CCDC102B: variants seen among roughly 807,000 people sequenced by gnomAD.
The protein encoded by CCDC102B is coiled-coil domain-containing protein 102B.
CCDC102B carries 75 observed loss-of-function variants against 57.4 expected under a neutral mutation model. The observed-to-expected ratio is 1.31, with a 90% CI of 1.08 to 1.58. The LOEUF (loss-of-function observed/expected upper bound fraction) is 1.58. Among genes scored for constraint, CCDC102B ranks in the 40% most tolerant of loss-of-function variants. The pLI, the probability that CCDC102B is intolerant of heterozygous loss-of-function variation, is 0.00. For missense variants in CCDC102B, 636 were observed against 582.6 expected (o/e 1.09, Z -0.94); for synonymous variants, 206 against 201.9 (o/e 1.02, Z -0.17).
At chr18:68,803,767 A>ACCCCAAC (rs1480437717) in intron 1 of CCDC102B, among the ~76,000 whole-genome samples, 4,697 of 152,250 alleles carry the variant, frequency 0.031, 225 homozygotes, top group African/African-American at 0.11. Flanking sequence ...CCAACCTAAT[A>ACCCCAAC]TTATTTTACT....
intron 5 of CCDC102B, among the ~76,000 whole-genome samples, chr18:68,895,782 T>A (rs2040221765): frequency 6.6e-6 from 1 of 151,848 alleles, no homozygotes; most frequent in African/African-American, 2.4e-5. Flanking sequence ...AATAAATTTC[T>A]TGTCCAGAAT....
chr18:69,046,772 A>C (rs578125744), intron 7 of CCDC102B, among the ~76,000 whole-genome samples: 44 of 152,212 alleles, frequency 2.9e-4, no homozygotes, highest in Non-Finnish European at 5.1e-4. Context: ...TGATTTTTGT[A>C]TATGGTATAA....
intron 2 of CCDC102B, among the ~76,000 whole-genome samples, chr18:68,788,177 C>T (rs1466781199): frequency 1.3e-5 from 2 of 152,144 alleles, no homozygotes; most frequent in East Asian, 3.9e-4. Context: ...AGTTTGATTG[C>T]ACTGTGGTCT....
chr18:68,792,516 A>G (rs1480990323), intron 2 of CCDC102B, among the ~76,000 whole-genome samples: 1 of 152,250 alleles, frequency 6.6e-6, no homozygotes, highest in Admixed American at 6.5e-5. Flanking sequence ...AGTTAGGTCA[A>G]CATAACTACT....
intron 2 of CCDC102B, among the ~76,000 whole-genome samples, chr18:68,782,616 C>T (rs1223368665): frequency 6.6e-6 from 1 of 152,120 alleles, no homozygotes; most frequent in Non-Finnish European, 1.5e-5. Flanking sequence ...CATTACCCTC[C>T]TACAGTTCAG....
chr18:68,856,512 T>C (rs1236459918), intron 4 of CCDC102B, among the ~76,000 whole-genome samples: 1 of 152,146 alleles, frequency 6.6e-6, no homozygotes, highest in African/African-American at 2.4e-5. Flanking sequence ...TTACCCAGGC[T>C]GGTCTCCAAC....
rs1429491702 is a variant in CCDC102B at position 68,868,876 on chromosome 18, A to G, written c.937-5793A>G. 2.6e-5 allele frequency among the ~76,000 whole-genome samples: 4 copies of G among 152,168 alleles called. No individual in the cohort carries two copies. The East Asian group carries it at 7.7e-4, about 29-fold the overall frequency. ...AAACTGTTATGAGCCTGTTATAGTA[A>G]TCTAGGTAGAAATATTCCACGTGTC... On this transcript the variant is annotated intron_variant, in intron 4 of 7. Coordinates refer to ENST00000360242, the MANE Select transcript of CCDC102B (RefSeq NM_024781.3).
intron 6 of CCDC102B, among the ~76,000 whole-genome samples, chr18:68,980,091 G>T (rs948078677): frequency 1.3e-4 from 19 of 151,906 alleles, no homozygotes; most frequent in African/African-American, 4.6e-4. Context: ...AGTTGAAACA[G>T]TGGCCACTTT....
At chr18:68,956,565 A>T (rs540974882) in intron 6 of CCDC102B, among the ~76,000 whole-genome samples, 1 of 6,468 alleles carries the variant, frequency 1.5e-4, no homozygotes, top group Non-Finnish European at 3.5e-4. Flanking sequence ...TATATATATT[A>T]TATATTTTAT....
At chr18:69,017,029 T>G (rs2051687519) in intron 7 of CCDC102B, among the ~76,000 whole-genome samples, 1 of 152,126 alleles carries the variant, frequency 6.6e-6, no homozygotes, top group South Asian at 2.1e-4. Context: ...ATTTATAAAA[T>G]TAAAAAGGGT....
At chr18:68,717,826 CTAAA>C (rs1167145111) in intron 2 of CCDC102B, among the ~76,000 whole-genome samples, 1 of 152,136 alleles carries the variant, frequency 6.6e-6, no homozygotes, top group Non-Finnish European at 1.5e-5. Flanking sequence ...TTGCTGTAGT[CTAAA>C]TGTGTAACCC....
chr18:69,048,433 G>T (rs2052619386), intron 7 of CCDC102B, among the ~76,000 whole-genome samples: 1 of 151,950 alleles, frequency 6.6e-6, no homozygotes, highest in Non-Finnish European at 1.5e-5. Flanking sequence ...ATAGAAAATG[G>T]AAACTAAGAA....
At chr18:68,725,845 T>C (rs1460249507) in intron 2 of CCDC102B, among the ~76,000 whole-genome samples, 1 of 152,174 alleles carries the variant, frequency 6.6e-6, no homozygotes, top group Non-Finnish European at 1.5e-5. Context: ...CCTTTAGAAT[T>C]CTGCCTACCA....
chr18:69,000,990 T>A (rs1241758211), intron 6 of CCDC102B, among the ~76,000 whole-genome samples: 2 of 152,174 alleles, frequency 1.3e-5, no homozygotes, highest in African/African-American at 4.8e-5. Context: ...CCACTACATA[T>A]AAGTGTTCTA....
intron 4 of CCDC102B, among the ~76,000 whole-genome samples, chr18:68,873,924 A>G (rs1190517947): frequency 6.9e-6 from 1 of 144,226 alleles, no homozygotes; most frequent in Non-Finnish European, 1.5e-5. Flanking sequence ...ATAGCTTAAA[A>G]TATATGTCAA....
intron 4 of CCDC102B, among the ~76,000 whole-genome samples, chr18:68,871,388 C>T (rs1437993125): frequency 7.0e-6 from 1 of 143,810 alleles, no homozygotes; most frequent in South Asian, 2.3e-4. Flanking sequence ...TCTGTAAGTC[C>T]ACTGCTTTAA....
At chr18:68,831,651 G>A (rs1477894234) in intron 1 of CCDC102B, among the ~76,000 whole-genome samples, 1 of 152,124 alleles carries the variant, frequency 6.6e-6, no homozygotes, top group Non-Finnish European at 1.5e-5. Context: ...AACTAGCAGA[G>A]ATGGAAGCTG....
chr18:68,721,274 C>G (rs998501580), intron 2 of CCDC102B: 4 of 152,106 alleles, frequency 2.6e-5, no homozygotes, highest in African/African-American at 9.7e-5. Flanking sequence ...ATGAGCATGC[C>G]CATGTAACTG....
chr18:68,845,815 A>C (rs145762106), intron 3 of CCDC102B, among the ~76,000 whole-genome samples: 1 of 151,852 alleles, frequency 6.6e-6, no homozygotes, highest in African/African-American at 2.4e-5. Flanking sequence ...TCTTTATTAC[A>C]ATCAAATTTG....
Sources: gnomAD v4.1 joint callset for allele counts (sites outside exome capture counted in the v4.1 genomes callset) on GRCh38, gnomAD v4.1.1 for gene constraint, MANE v1.5 for transcripts, NCBI Gene and HGNC (gene_info 2026-07-23, HGNC 2026-07-21) for gene names.